DPH6: variants seen among roughly 807,000 people sequenced by gnomAD.
The protein encoded by DPH6 is diphthamine biosynthesis 6, also known as diphthine--ammonia ligase.
Under a neutral mutation model 38.2 loss-of-function variants are expected in DPH6, and 33 were observed. The ratio of observed to expected loss-of-function variants is 0.86; its 90% CI spans 0.65 to 1.15. DPH6 has a LOEUF of 1.15. DPH6 is among the 50% of genes most tolerant of loss of function. DPH6 has a pLI of 0.00. For synonymous variants in DPH6, 108 were observed against 103.0 expected (o/e 1.05, Z -0.30); for missense variants, 325 against 320.0 (o/e 1.02, Z -0.12).
intron 5 of DPH6, among the ~76,000 whole-genome samples, chr15:35,420,402 G>T (rs1184499918): frequency 3.3e-5 from 5 of 151,966 alleles, no homozygotes; most frequent in Admixed American, 3.3e-4. Flanking sequence ...AGAAAAAGAA[G>T]ACAAGCCCAA....
the DPH6 span, among the ~76,000 whole-genome samples, chr15:35,205,532 T>A: frequency 4.0e-3 from 609 of 152,198 alleles, 3 homozygotes; most frequent in African/African-American, 0.014. Flanking sequence ...AGCCTATTTT[T>A]ATAAGAATCC....
chr15:35,299,061 T>TC (rs77554068), intron 3 of DPH6: 28,598 of 739,894 alleles, frequency 0.039, 2,900 homozygotes, highest in East Asian at 0.32. Flanking sequence ...TTCTTCTATT[T>TC]CTTCTGTCTT....
chr15:35,381,100 T>C (rs2052858728), intron 7 of DPH6, among the ~76,000 whole-genome samples: 1 of 152,206 alleles, frequency 6.6e-6, no homozygotes, highest in Admixed American at 6.5e-5. Context: ...AGGTTAAGTC[T>C]TAGTGTTAGA....
chr15:35,380,075 A>G (rs2052843875), intron 7 of DPH6, among the ~76,000 whole-genome samples: 1 of 152,144 alleles, frequency 6.6e-6, no homozygotes, highest in Non-Finnish European at 1.5e-5. Flanking sequence ...AGTAACAATG[A>G]AAAGACAGGG....
intron 3 of DPH6, among the ~76,000 whole-genome samples, chr15:35,306,342 T>C (rs1566864912): frequency 6.6e-6 from 1 of 152,222 alleles, no homozygotes; most frequent in South Asian, 2.1e-4. Flanking sequence ...CTCAATTGGC[T>C]CTTTTCTTTC....
chr15:35,522,309 A>G (rs2054934040), intron 3 of DPH6: 4 of 1,605,274 alleles, frequency 2.5e-6, no homozygotes, highest in Non-Finnish European at 3.4e-6. Flanking sequence ...AAACGTGGCA[A>G]TCAGAGGTTT....
intron 7 of DPH6, among the ~76,000 whole-genome samples, chr15:35,374,723 A>G (rs1373534790): frequency 6.6e-6 from 1 of 152,120 alleles, no homozygotes; most frequent in African/African-American, 2.4e-5. Flanking sequence ...CAGACATAGA[A>G]TCATTCAAGA....
chr15:35,471,717 C>T (rs76642788), intron 3 of DPH6, among the ~76,000 whole-genome samples: 1 of 152,218 alleles, frequency 6.6e-6, no homozygotes, highest in Admixed American at 6.5e-5. Context: ...ACTCATTCTT[C>T]ACAACCTATG....
At chr15:35,153,097 T>G in the DPH6 span, among the ~76,000 whole-genome samples, 1 of 152,140 alleles carries the variant, frequency 6.6e-6, no homozygotes, top group African/African-American at 2.4e-5. Flanking sequence ...GATGTGAAAA[T>G]TATGTAAAAT....
At chr15:35,151,492 C>A in the DPH6 span, among the ~76,000 whole-genome samples, 2 of 152,236 alleles carry the variant, frequency 1.3e-5, no homozygotes, top group Non-Finnish European at 2.9e-5. Context: ...ATAAACAAAT[C>A]AATCCCAGGC....
At chr15:35,213,362 CATAA>C (rs1215278964), downstream of DPH6, among the ~76,000 whole-genome samples, 2 of 152,096 alleles carry the variant, frequency 1.3e-5, no homozygotes, top group Non-Finnish European at 2.9e-5. Flanking sequence ...AAATTAAGTC[CATAA>C]ATAAAGAAGG....
At chr15:35,188,529 CA>C in the DPH6 span, among the ~76,000 whole-genome samples, 1 of 152,164 alleles carries the variant, frequency 6.6e-6, no homozygotes, top group Non-Finnish European at 1.5e-5. Flanking sequence ...GGCCCTCTTC[CA>C]AATGTACTTG....
At chr15:35,383,619 TCAC>T (rs2052901718) in intron 6 of DPH6, among the ~76,000 whole-genome samples, 1 of 152,216 alleles carries the variant, frequency 6.6e-6, no homozygotes, top group Non-Finnish European at 1.5e-5. Context: ...TATTACTGAT[TCAC>T]CAGTATTGAC....
At chr15:35,237,835 G>A in intron 3 of DPH6, 1 of 1,543,320 alleles carries the variant, frequency 6.5e-7, no homozygotes, top group Non-Finnish European at 9.0e-7. Context: ...TGGAGGAGGA[G>A]GAGGAGGATG....
chr15:35,323,178 G>GTCAAA (rs1566869602), intron 3 of DPH6, among the ~76,000 whole-genome samples: 1 of 152,036 alleles, frequency 6.6e-6, no homozygotes, highest in Non-Finnish European at 1.5e-5. Context: ...AAAACTTAAG[G>GTCAAA]TCAAATTCTG....
At chr15:35,504,577 T>C (rs2054669630) in intron 3 of DPH6, among the ~76,000 whole-genome samples, 1 of 152,038 alleles carries the variant, frequency 6.6e-6, no homozygotes, top group South Asian at 2.1e-4. Flanking sequence ...TCTGGGTCAT[T>C]CTTTTATTGA....
chr15:35,294,972 C>T (rs914866702), intron 3 of DPH6, among the ~76,000 whole-genome samples: 1 of 152,214 alleles, frequency 6.6e-6, no homozygotes, highest in African/African-American at 2.4e-5. Flanking sequence ...CCTTTCCTCA[C>T]AGTCCCAATC....
intron 5 of DPH6, among the ~76,000 whole-genome samples, chr15:35,422,362 T>C (rs6495767): frequency 0.34 from 51,115 of 151,776 alleles, 10,171 homozygotes; most frequent in African/African-American, 0.56. Context: ...AATGAACTCA[T>C]AGTAATAATG....
the DPH6 span, among the ~76,000 whole-genome samples, chr15:35,147,796 A>G: frequency 6.6e-6 from 1 of 152,228 alleles, no homozygotes; most frequent in African/African-American, 2.4e-5. Flanking sequence ...GGAATTTAAA[A>G]CACAATTATT....
Sources: gnomAD v4.1 joint callset for allele counts (sites outside exome capture counted in the v4.1 genomes callset) on GRCh38, gnomAD v4.1.1 for gene constraint, MANE v1.5 for transcripts, NCBI Gene and HGNC (gene_info 2026-07-23, HGNC 2026-07-21) for gene names.